METTL5: variants seen among roughly 807,000 people sequenced by gnomAD.
The protein encoded by METTL5 is rRNA N(6)-adenosine-methyltransferase METTL5.
METTL5 carries 28 observed loss-of-function variants against 26.5 expected under a neutral mutation model. The ratio of observed to expected loss-of-function variants is 1.06; its 90% CI spans 0.78 to 1.45. METTL5 has a LOEUF of 1.45. METTL5 is among the 40% of genes most tolerant of loss of function. The probability of loss-of-function intolerance (pLI) is 0.00; values close to 1 mark genes in which losing one functional copy is unlikely to be tolerated. For missense variants in METTL5, 231 were observed against 249.9 expected (o/e 0.92, Z 0.51); for synonymous variants, 86 against 82.6 (o/e 1.04, Z -0.22).
Position 169,824,594 on chromosome 2 carries a change from T to C in METTL5, c.4A>G (p.Lys2Glu), listed in dbSNP as rs2081628376. 6.2e-7 allele frequency: 1 copy of C among 1,612,336 alleles called. No individual in the cohort carries two copies. Among genetic ancestry groups the C allele is most frequent in the Non-Finnish European group, 8.5e-7 (1 of 1,178,484 alleles). M[K>E]KVRLKELESR... ...TCTAGTTCCTTAAGCCTTACTTTCT[T>C]CATTTTGTTTTAAAGTATGGACTCG... The change falls in exon 1 of 7, where the codon AAG (lysine) becomes GAG (glutamate). Residue 2 changes from lysine (K) to glutamate (E), a missense_variant. Lys to Glu is a moderately conservative substitution (Grantham distance 56). Transcript: ENST00000260953.
At chr2:169,815,620 G>C in intron 4 of METTL5, 92 bp from the exon 5 acceptor site, 1 of 902,334 alleles carries the variant, frequency 1.1e-6, no homozygotes, top group East Asian at 2.7e-5. Context: ...GAGTTTTTAA[G>C]CTTAAAATTT....
chr2:169,822,077 AG>A lies in METTL5; in HGVS notation c.110-21del, dbSNP rs531276879. 444 of 1,576,920 alleles carry A rather than the reference AG, an allele frequency of 2.8e-4. 2 individuals carry two copies. In the African/African-American group the frequency reaches 3.5e-3, roughly 12 times the overall value. On this transcript the variant is annotated intron_variant, in intron 1 of 6. Coordinates refer to ENST00000260953, the MANE Select transcript of METTL5 (RefSeq NM_014168.4). ...TACATGCTAAAAAATAAAAAAAAAA[AG>A]AATAAGTAAGCAAGCCGGTGACTAA... is the stretch of plus-strand genomic sequence containing the variant.
chr2:169,815,464 A>G lies in METTL5; in HGVS notation c.541+13T>C, dbSNP rs201756333. ...TTGGCCCTTTTGGATATTAGGATTGAGATTTGTCTTACCTGCTATAATATC... is the reference window on the plus strand; with the variant it reads ...TTGGCCCTTTTGGATATTAGGATTGGGATTTGTCTTACCTGCTATAATATC... On this transcript the variant is annotated intron_variant, in intron 5 of 6. Transcript: ENST00000260953. 38 of 1,581,864 alleles carry G rather than the reference A, an allele frequency of 2.4e-5. No individual in the cohort carries two copies. In the East Asian group the frequency reaches 5.8e-4, roughly 24 times the overall value.
chr2:169,815,763 C>T (rs906289248), intron 4 of METTL5, among the ~76,000 whole-genome samples: 4 of 152,144 alleles, frequency 2.6e-5, no homozygotes, highest in East Asian at 3.8e-4. Flanking sequence ...GCTACTCATG[C>T]ACCACATAAT....
rs1440109440 is a variant in METTL5 at position 169,811,776 on chromosome 2, A to T, written c.*44T>A. On this transcript the variant is annotated 3_prime_UTR_variant, in exon 7 of 7. Coordinates refer to ENST00000260953, the MANE Select transcript of METTL5 (RefSeq NM_014168.4). The stretch of plus-strand genomic sequence containing the variant: ...CAGTAGTTTAGTAAACCAATTTTTT[A>T]TTCATTTTAAATAGGTTTTAAACGA... The T allele has an allele frequency of 1.2e-6, 2 of 1,612,992 alleles. No individual in the cohort carries two copies. Among genetic ancestry groups the T allele is most frequent in the Non-Finnish European group, 8.5e-7 (1 of 1,179,642 alleles).
chr2:169,822,743 T>G (rs1311884224), intron 1 of METTL5, among the ~76,000 whole-genome samples: 1 of 152,076 alleles, frequency 6.6e-6, no homozygotes, highest in Admixed American at 6.5e-5. Context: ...AGAACTTTGT[T>G]TTAACAAGTT....
At chr2:169,812,030 C>T (rs2105707356) in intron 6 of METTL5, 172 bp from the exon 7 acceptor site, 1 of 728,138 alleles carries the variant, frequency 1.4e-6, no homozygotes, top group African/African-American at 1.8e-5. Context: ...TACAAACTAA[C>T]TAATAAAATA....
chr2:169,824,550 C>G lies in METTL5; in HGVS notation c.48G>C (p.Val16=), dbSNP rs763905551. 5.0e-6 allele frequency: 8 copies of G among 1,614,194 alleles called. No homozygotes were observed. Among genetic ancestry groups the G allele is most frequent in the Middle Eastern group, 1.6e-4 (1 of 6,062 alleles). ...LKELESRLQQ[V]DGFEKPKLLL... is the part of the protein sequence containing the mutation. Reference sequence around the variant, plus strand: ...GTAGCTTGGGCTTTTCAAATCCATCCACTTGTTGCAGGCGACTCTCTAGTT... The same window carrying G: ...GTAGCTTGGGCTTTTCAAATCCATCGACTTGTTGCAGGCGACTCTCTAGTT... The change falls in exon 1 of 7, where the codon GTG becomes GTC. Residue 16 remains valine (V), a synonymous_variant. Coordinates refer to ENST00000260953, the MANE Select transcript of METTL5 (RefSeq NM_014168.4).
rs1454345741 is a variant in METTL5 at position 169,812,454 on chromosome 2, T to TA, written c.591+2dup. ...GTAGACCAGCCAAAATCAAGAGACTTACTGATTTCTTTTTGTGAAACTTGT... is the reference window on the plus strand; with the variant it reads ...GTAGACCAGCCAAAATCAAGAGACTTAACTGATTTCTTTTTGTGAAACTTGT... On this transcript the variant is annotated splice_region_variant and intron_variant, in intron 6 of 6. Coordinates refer to ENST00000260953, the MANE Select transcript of METTL5 (RefSeq NM_014168.4). The TA allele has an allele frequency of 1.2e-6, 2 of 1,613,880 alleles. No homozygotes were observed. Among genetic ancestry groups the TA allele is most frequent in the Admixed American group, 1.7e-5 (1 of 59,972 alleles).
At chr2:169,812,542 T>C in intron 5 of METTL5, 36 bp from the exon 6 acceptor site, 1 of 1,605,860 alleles carries the variant, frequency 6.2e-7, no homozygotes, top group Non-Finnish European at 8.5e-7. Flanking sequence ...TAAAATTGTA[T>C]TTCCAAGCGT....
rs1163612381 is a variant in METTL5, at chr2:169,824,501, G to T, written c.97C>A (p.Pro33Thr). Residue 33 changes from proline to threonine, a missense_variant, in exon 1 of 7, where the codon CCG (proline) becomes ACG (threonine). Transcript: ENST00000260953. The part of the protein sequence containing the change: ...KLLLEQYPTR[P>T]HIAACMLYTI... ...CCAGCCGCCCTACCTGCAATGTGCG[G>T]CCTGGTAGGATACTGTTCCAGAAGT... The T allele has an allele frequency of 6.2e-7, 1 of 1,613,882 alleles. No homozygotes were observed.
intron 3 of METTL5, among the ~76,000 whole-genome samples, chr2:169,820,577 T>A (rs1014224309): frequency 1.3e-5 from 2 of 152,174 alleles, no homozygotes; most frequent in Admixed American, 6.5e-5. Flanking sequence ...ATTAAACAAA[T>A]TGAAATGTAA....
At chr2:169,818,564 T>G (rs2081541222) in intron 4 of METTL5, among the ~76,000 whole-genome samples, 1 of 152,240 alleles carries the variant, frequency 6.6e-6, no homozygotes, top group South Asian at 2.1e-4. Context: ...CTTGCCTACA[T>G]GTACCACTAC....
In METTL5 at chr2:169,824,403, C is replaced by T. The variant is rs181991595; in HGVS notation, c.109+86G>A. The T allele has an allele frequency of 6.3e-5, 68 of 1,086,750 alleles. No homozygotes were observed. The Admixed American group carries it at 7.8e-4, about 12-fold the overall frequency. The allele number at this position is 1,086,750 out of a possible 1,614,324, so 67.3% of individuals were successfully genotyped here. On this transcript the variant is annotated intron_variant, in intron 1 of 6. Transcript: ENST00000260953. ...AGGGCAGAATTTCTCTAGACATTCT[C>T]TGTATCCAAATAACTGTTCTATTTT...
chr2:169,816,680 AAAAC>A (rs1437282471), intron 4 of METTL5, among the ~76,000 whole-genome samples: 2 of 152,360 alleles, frequency 1.3e-5, no homozygotes, highest in Non-Finnish European at 1.5e-5. Context: ...AAACCTGACA[AAAAC>A]AAGCAATGGG....
At chr2:169,814,994 C>T (rs62171181) in intron 5 of METTL5, among the ~76,000 whole-genome samples, 8,270 of 152,094 alleles carry the variant, frequency 0.054, 244 homozygotes, top group Non-Finnish European at 0.077. Flanking sequence ...GGGACTCAAG[C>T]GATTCTCCCG....
chr2:169,819,664 G>A (rs753974177), intron 3 of METTL5, 21 bp from the exon 4 acceptor site: 3 of 1,550,626 alleles, frequency 1.9e-6, no homozygotes, highest in Non-Finnish European at 2.7e-6. Flanking sequence ...TAGAAAAAAA[G>A]CTCCTATTTA....
intron 4 of METTL5, 54 bp downstream of exon 4, chr2:169,819,507 A>G: frequency 7.3e-7 from 1 of 1,366,090 alleles, no homozygotes; most frequent in Non-Finnish European, 1.0e-6. Flanking sequence ...TCCTAAAAAC[A>G]CTGTCATGAA....
rs542044424 is a variant in METTL5, at chr2:169,821,503, A to G, written c.225-230T>C. Among the ~76,000 whole-genome samples the G allele has an allele frequency of 2.6e-5, 4 of 151,874 alleles. No individual in the cohort carries two copies. In the East Asian group the frequency reaches 7.7e-4, roughly 29 times the overall value. On this transcript the variant is annotated intron_variant, in intron 2 of 6. Coordinates refer to ENST00000260953, the MANE Select transcript of METTL5 (RefSeq NM_014168.4). ...ACTGCTCAAGCAATCCTCCCACCTC[A>G]GCCTCCCAAGTAGCTGGGACCACAG...
Sources: allele counts gnomAD v4.1 joint callset (sites outside exome capture counted in the v4.1 genomes callset), GRCh38; gene constraint gnomAD v4.1.1; transcripts MANE v1.5; gene names NCBI Gene and HGNC (gene_info 2026-07-23, HGNC 2026-07-21).